PTPRN: variants seen among roughly 807,000 people sequenced by gnomAD.
PTPRN encodes the protein receptor-type tyrosine-protein phosphatase-like N.
PTPRN carries 70 observed loss-of-function variants against 108.5 expected under a neutral mutation model. The observed-to-expected ratio is 0.65, with a 90% CI of 0.53 to 0.79. The LOEUF (loss-of-function observed/expected upper bound fraction) is 0.79, where lower values mean the gene tolerates loss of function less well. Among genes scored for constraint, PTPRN ranks in the 30% least tolerant of loss-of-function variants. The pLI is 0.00. For synonymous variants in PTPRN, 496 were observed against 524.6 expected, an observed-to-expected ratio of 0.95 and a Z score of 0.75; for missense variants, 1,136 against 1,295.5, an observed-to-expected ratio of 0.88 and a Z score of 1.89.
intron 20 of PTPRN, 141 bp from the exon 21 acceptor site, chr2:219,291,031 G>A: frequency 1.3e-6 from 1 of 772,586 alleles, no homozygotes; most frequent in East Asian, 2.6e-5. Flanking sequence ...GGGACAGTGA[G>A]CCGAGGATGA....
At position 219,295,564 on chromosome 2, in the gene PTPRN, C is replaced by T. The variant is rs1044832086; in HGVS notation, c.2509-423G>A. On this transcript the variant is annotated intron_variant, in intron 18 of 22. Transcript: ENST00000295718. Reference sequence around the variant, plus strand: ...GGAAAAAATTACTATTCAGGCTCATCTGGTGATGAGAAGCTTCTGCTGTGT... The same window carrying T: ...GGAAAAAATTACTATTCAGGCTCATTTGGTGATGAGAAGCTTCTGCTGTGT... 3.7e-5 allele frequency: 6 copies of T among 160,322 alleles called. No individual in the cohort carries two copies. In the South Asian group the frequency reaches 6.6e-4, roughly 18 times the overall value. 9.9% of individuals were successfully genotyped at this position (160,322 alleles called of 1,614,324 possible).
Position 219,302,508 on chromosome 2 carries a change from A to G in PTPRN, c.640-17T>C. On this transcript the variant is annotated splice_polypyrimidine_tract_variant and intron_variant, in intron 5 of 22. Coordinates refer to ENST00000295718, the MANE Select transcript of PTPRN (RefSeq NM_002846.4). ...GGAGCCAAACTGTGGAAAACCAGAG[A>G]TCTGGGTAAGAGCAGAAGTCCGGGC... 1.2e-6 allele frequency: 2 copies of G among 1,613,858 alleles called. No individual in the cohort carries two copies. The highest frequency in any genetic ancestry group is 1.7e-5 in the Admixed American group (1 of 59,930).
rs1467790252 is a variant in PTPRN, at chr2:219,291,017, G to A, written c.2730-127C>T. ...TGGGTGACCCGTTGGGGTTGGCTTG[G>A]AGAGGGACAGTGAGCCGAGGATGAA... On this transcript the variant is annotated intron_variant, in intron 20 of 22. Coordinates refer to ENST00000295718, the MANE Select transcript of PTPRN (RefSeq NM_002846.4). 5.8e-6 allele frequency: 5 copies of A among 865,322 alleles called. No individual in the cohort carries two copies. The East Asian group carries it at 1.3e-4, about 22-fold the overall frequency. 53.6% of individuals were successfully genotyped at this position (865,322 alleles called of 1,614,324 possible).
intron 19 of PTPRN, chr2:219,292,079 T>A (rs1295044617): frequency 6.2e-6 from 1 of 161,420 alleles, no homozygotes. Context: ...TCCTCCCGAC[T>A]CAGGCTCCAG....
chr2:219,302,208 G>T lies in PTPRN; in HGVS notation c.923C>A (p.Ser308Tyr), dbSNP rs1235329420. ...EQGSSSRAED[S>Y]PEGYEKEGLG... ...TCCTTCCTTCTCATAGCCCTCTGGG[G>T]AGTCCTCTGCCCGGCTGCTGCTCCC... The change falls in exon 6 of 23, where the codon TCC becomes TAC. Residue 308 changes from serine to tyrosine, a missense_variant. By Grantham distance (144) the Ser-to-Tyr change is moderately radical. Transcript: ENST00000295718. The T allele has an allele frequency of 6.2e-7, 1 of 1,613,854 alleles. No homozygotes were observed. The highest frequency in any genetic ancestry group is 1.3e-5 in the African/African-American group (1 of 74,930).
At position 219,296,292 on chromosome 2, in the gene PTPRN, C is replaced by T. The variant is rs775402823; in HGVS notation, c.2442G>A (p.Glu814=). ...TVIVMLTPLV[E]DGVKQCDRYW... ...AGCGGTCACACTGCTTGACACCATC[C>T]TCCACCAGCGGGGTCAGCATGACGA... is the stretch of plus-strand genomic sequence containing the variant. Residue 814 remains glutamate, a synonymous_variant, in exon 18 of 23, where the codon GAG becomes GAA. Transcript: ENST00000295718. This position sits in a 1 kb window ranked among gnomAD's most constrained non-coding sequence, Gnocchi z 6.0. 1.9e-6 allele frequency: 3 copies of T among 1,614,164 alleles called. No individual in the cohort carries two copies. The highest frequency in any genetic ancestry group is 1.1e-5 in the South Asian group (1 of 91,084).
In PTPRN at chr2:219,296,682, G is replaced by A. The variant is rs2125091683; in HGVS notation, c.2310+67C>T. The A allele has an allele frequency of 3.8e-6, 6 of 1,592,242 alleles. No individual in the cohort carries two copies. The highest frequency in any genetic ancestry group is 3.4e-5 in the South Asian group (3 of 89,550). On this transcript the variant is annotated intron_variant, in intron 16 of 22. Coordinates refer to ENST00000295718, the MANE Select transcript of PTPRN (RefSeq NM_002846.4). The surrounding 1 kb of genome is among the most constrained non-coding windows in gnomAD (Gnocchi z 6.0). Reference sequence around the variant, plus strand: ...TGGTGGGGTGGCAGGTGACCACGGGGAAATGGAGTGCATAGGGCCAGGATA... The same window carrying A: ...TGGTGGGGTGGCAGGTGACCACGGGAAAATGGAGTGCATAGGGCCAGGATA...
chr2:219,298,321 G>C (rs533266730), intron 12 of PTPRN, among the ~76,000 whole-genome samples: 23 of 152,314 alleles, frequency 1.5e-4, no homozygotes, highest in African/African-American at 5.5e-4. Flanking sequence ...GCCCCCACCA[G>C]GAGTGTTTGC....
In PTPRN at chr2:219,295,056, C is replaced by T. The variant is rs1278224376; in HGVS notation, c.2594G>A (p.Arg865His). The T allele has an allele frequency of 1.2e-6, 2 of 1,613,274 alleles. No homozygotes were observed. The highest frequency in any genetic ancestry group is 2.7e-5 in the African/African-American group (2 of 74,872). Residue 865 changes from arginine to histidine, a missense_variant, in exon 19 of 23, where the codon CGC (arginine) becomes CAC (histidine). Arg to His is a conservative substitution (Grantham distance 29). Coordinates refer to ENST00000295718, the MANE Select transcript of PTPRN (RefSeq NM_002846.4). ...YLKNVQTQETRTLTQFHFLSW... is the reference protein window; with the variant it reads ...YLKNVQTQETHTLTQFHFLSW... The stretch of plus-strand genomic sequence containing the variant: ...GAGGAAGTGGAACTGCGTGAGCGTG[C>T]GCGTCTCCTGGGTCTGCACGTTCTT...
At chr2:219,295,209 T>C in intron 18 of PTPRN, 68 bp from the exon 19 acceptor site, 1 of 1,551,594 alleles carries the variant, frequency 6.4e-7, no homozygotes, top group Non-Finnish European at 8.8e-7. Flanking sequence ...CGCGCTCTCC[T>C]CGCGACCTTC....
chr2:219,303,685 CA>C (rs1333029238), intron 4 of PTPRN, 49 bp downstream of exon 4: 1 of 1,537,254 alleles, frequency 6.5e-7, no homozygotes, highest in East Asian at 2.3e-5. Flanking sequence ...AGGACAACCA[CA>C]GATTCATCAG....
At chr2:219,304,760 T>G (rs1265259443) in intron 3 of PTPRN, among the ~76,000 whole-genome samples, 56 of 152,226 alleles carry the variant, frequency 3.7e-4, no homozygotes. Context: ...AATTCTCTCT[T>G]CTTTCCTACA....
At chr2:219,298,128 G>C in intron 12 of PTPRN, 25 bp from the exon 13 acceptor site, 1 of 1,602,886 alleles carries the variant, frequency 6.2e-7, no homozygotes, top group Non-Finnish European at 8.5e-7. Flanking sequence ...CTAGAATCAA[G>C]GGAGGCAGTG....
intron 3 of PTPRN, among the ~76,000 whole-genome samples, chr2:219,305,774 C>T (rs1253707571): frequency 6.6e-6 from 1 of 152,184 alleles, no homozygotes; most frequent in Non-Finnish European, 1.5e-5. Flanking sequence ...AAGCTGAACA[C>T]CCCCACCAAG....
rs1952311611 is a variant in PTPRN, at chr2:219,300,255, A to G, written c.1166T>C (p.Met389Thr). ...VNVGADIKKT[M>T]EGPVEGRDTA... is the part of the protein sequence containing the mutation. ...GTCTCTGCCCTCCACCGGCCCCTCC[A>G]TTGTCTGTTCAGAAGAGGGTGGAGG... Residue 389 changes from methionine (M) to threonine (T), a missense_variant, in exon 9 of 23, where the codon ATG (methionine) becomes ACG (threonine). By Grantham distance (81) the Met-to-Thr change is moderately conservative (BLOSUM62 -1). Coordinates refer to ENST00000295718, the MANE Select transcript of PTPRN (RefSeq NM_002846.4). 1 of 1,565,576 alleles carries G rather than the reference A, an allele frequency of 6.4e-7. No individual in the cohort carries two copies. Among genetic ancestry groups the G allele is most frequent in the South Asian group, 1.2e-5 (1 of 82,346 alleles).
At position 219,303,262 on chromosome 2, in the gene PTPRN, C is replaced by A. The variant is rs557325374; in HGVS notation, c.378-425G>T. On this transcript the variant is annotated intron_variant, in intron 4 of 22. Transcript: ENST00000295718. ...TATTCAGGACTGCTCCTCCACCCCC[C>A]ACCACTATGCCATCTTCATCCTGGT... is the stretch of plus-strand genomic sequence containing the variant. Among the ~76,000 whole-genome samples, 8 of 152,314 alleles carry A rather than the reference C, an allele frequency of 5.3e-5. No individual in the cohort carries two copies. The South Asian group carries it at 6.2e-4, about 12-fold the overall frequency.
intron 4 of PTPRN, 126 bp downstream of exon 4, chr2:219,303,609 C>T (rs1952411710): frequency 1.2e-6 from 1 of 839,772 alleles, no homozygotes; most frequent in East Asian, 2.7e-5. Context: ...CATTCCTGCA[C>T]CTCTTTACCT....
rs764015286 is a variant in PTPRN, at chr2:219,302,361, G to A, written c.770C>T (p.Pro257Leu). 4 of 1,613,688 alleles carry A rather than the reference G, an allele frequency of 2.5e-6. No homozygotes were observed. In the South Asian group the frequency reaches 3.3e-5, roughly 13 times the overall value. Reference sequence around the variant, plus strand: ...TGGAAGGTCCCCGTAGGAGTGGCCAGGGTGGTCCCCAAATATGCCCTTGGA... The same window carrying A: ...TGGAAGGTCCCCGTAGGAGTGGCCAAGGTGGTCCCCAAATATGCCCTTGGA... ...TASKGIFGDHPGHSYGDLPGP... is the reference protein window; with the variant it reads ...TASKGIFGDHLGHSYGDLPGP... The change falls in exon 6 of 23, where the codon CCT becomes CTT. Residue 257 changes from proline to leucine, a missense_variant. Pro to Leu is a moderately conservative substitution (Grantham distance 98). Coordinates refer to ENST00000295718, the MANE Select transcript of PTPRN (RefSeq NM_002846.4).
intron 9 of PTPRN, 33 bp from the exon 10 acceptor site, chr2:219,299,819 G>T (rs771032458): frequency 6.3e-7 from 1 of 1,578,964 alleles, no homozygotes; most frequent in South Asian, 1.1e-5. Context: ...GAAGGAAAGT[G>T]GGGCAACCCT....
Sources: gnomAD v4.1 joint callset for allele counts (sites outside exome capture counted in the v4.1 genomes callset) on GRCh38, gnomAD v4.1.1 for gene constraint, Gnocchi (gnomAD v3.1) non-coding constraint, MANE v1.5 for transcripts, NCBI Gene and HGNC (gene_info 2026-07-23, HGNC 2026-07-21) for gene names.